The following CFAP46 variants were observed in gnomAD, a reference collection of about 807,000 sequenced individuals.
CFAP46 encodes cilia and flagella associated protein 46.
Under a neutral mutation model 325.7 loss-of-function variants are expected in CFAP46, and 245 were observed. The observed-to-expected ratio is 0.75, with a 90% confidence interval of 0.68 to 0.84. The LOEUF (loss-of-function observed/expected upper bound fraction) is 0.84, where lower values mean the gene tolerates loss of function less well. Ranked by LOEUF, CFAP46 falls within the 40% of genes least tolerant of loss-of-function variation. The pLI is 0.00. For missense variants in CFAP46, 3,346 were observed against 3,543.0 expected, an observed-to-expected ratio of 0.94 and a Z score of 1.41; for synonymous variants, 1,523 against 1,495.9, an observed-to-expected ratio of 1.02 and a Z score of -0.42.
intron 17 of CFAP46, among the ~76,000 whole-genome samples, chr10:132,914,872 C>T (rs1849612186): frequency 6.6e-6 from 1 of 152,242 alleles, no homozygotes; most frequent in South Asian, 2.1e-4. Context: ...CCTGGCTTCG[C>T]TCCACACTGT....
chr10:132,851,710 G>A lies in CFAP46; in HGVS notation c.5575-405C>T, dbSNP rs531007211. 7.3e-3 allele frequency among the ~76,000 whole-genome samples: 1,108 copies of A among 152,340 alleles called. 15 individuals carry two copies. The highest frequency in any genetic ancestry group is 0.024 in the African/African-American group (999 of 41,568). On this transcript the variant is annotated intron_variant, in intron 39 of 57. Transcript: ENST00000368586. ...GCATGCTCCTTCCCTCTCACAGCCG[G>A]CGTCGGTGCACCGTGTGCACGCGCC...
In CFAP46 at chr10:132,834,686, C is replaced by A; in HGVS notation, c.6834G>T (p.Pro2278=). The part of the protein sequence containing the change: ...VLGPLEELLQ[P]LFPLLSLSKA... ...TGGAGAGGCTGAGCAGGGGGAATAG[C>A]GGCTGCAGAAGCTCCTCCAGGGGCC... is the stretch of plus-strand genomic sequence containing the variant. The change falls in exon 48 of 58, where the codon CCG becomes CCT. Residue 2278 remains proline, a synonymous_variant. Coordinates refer to ENST00000368586, the MANE Select transcript of CFAP46 (RefSeq NM_001200049.3). 1.2e-6 allele frequency: 2 copies of A among 1,612,962 alleles called. No homozygotes were observed. The highest frequency in any genetic ancestry group is 1.7e-6 in the Non-Finnish European group (2 of 1,179,928).
chr10:132,878,281 G>T (rs1848985973), intron 29 of CFAP46, among the ~76,000 whole-genome samples, 194 bp from the exon 30 acceptor site: 1 of 152,218 alleles, frequency 6.6e-6, no homozygotes, highest in South Asian at 2.1e-4. Flanking sequence ...CCCGGGGTGT[G>T]GGCACCGGGG....
intron 7 of CFAP46, among the ~76,000 whole-genome samples, chr10:132,935,786 A>G: frequency 1.2e-5 from 1 of 82,498 alleles, no homozygotes; most frequent in Admixed American, 1.4e-4. Context: ...TGATCTCCTC[A>G]CTCCCCTCAC....
At chr10:132,839,524 A>T (rs140103941) in intron 44 of CFAP46, among the ~76,000 whole-genome samples, 1 of 152,314 alleles carries the variant, frequency 6.6e-6, no homozygotes, top group African/African-American at 2.4e-5. Flanking sequence ...CAGTCTTTCT[A>T]CATGTTATTT....
chr10:132,932,565 CCTTCTTCCTCCCCACATAGATCCTGCAG>C (rs1849928922), intron 8 of CFAP46, among the ~76,000 whole-genome samples: 3 of 150,938 alleles, frequency 2.0e-5, no homozygotes, highest in African/African-American at 7.3e-5. Context: ...AGAGCCTGGG[CCTTCTTCCTCCCCACATAGATCCTGCAG>C]CTTCCTCCTC....
chr10:132,821,830 C>A (rs1182191152), intron 50 of CFAP46, among the ~76,000 whole-genome samples: 1 of 104,614 alleles, frequency 9.6e-6, no homozygotes, highest in Non-Finnish European at 1.8e-5. Flanking sequence ...GCTGTCTGTG[C>A]GCTGTGTGCT....
At chr10:132,909,879 G>T (rs1450525983) in intron 20 of CFAP46, 40 bp downstream of exon 20, 1 of 1,381,288 alleles carries the variant, frequency 7.2e-7, no homozygotes, top group East Asian at 2.9e-5. Context: ...TATGTCCACA[G>T]GGCCTCAGTC....
At chr10:132,881,083 T>C (rs1849035989) in intron 27 of CFAP46, 51 bp from the exon 28 acceptor site, 1 of 1,482,620 alleles carries the variant, frequency 6.7e-7, no homozygotes, top group Admixed American at 2.0e-5. Flanking sequence ...CCTGAAGGCG[T>C]TCCTGACGCA....
In CFAP46 at chr10:132,877,865, G is replaced by A. The variant is rs1848978353; in HGVS notation, c.4212+16C>T. The A allele has an allele frequency of 6.5e-7, 1 of 1,548,212 alleles. No individual in the cohort carries two copies. The highest frequency in any genetic ancestry group is 8.7e-7 in the Non-Finnish European group (1 of 1,146,818). ...TCCTGGGCCCGGCCTCTGCACCGTG[G>A]CCACTTGGGCATCACCTGCTTGGGC... On this transcript the variant is annotated intron_variant, in intron 30 of 57. Coordinates refer to ENST00000368586, the MANE Select transcript of CFAP46 (RefSeq NM_001200049.3). The surrounding 1 kb of genome is among the most constrained non-coding windows in gnomAD (Gnocchi z 5.7).
chr10:132,914,002 T>A (rs1042168236), intron 17 of CFAP46, among the ~76,000 whole-genome samples: 1 of 152,026 alleles, frequency 6.6e-6, no homozygotes, highest in African/African-American at 2.4e-5. Flanking sequence ...GGACCCCCGC[T>A]CACCCCTGCA....
intron 50 of CFAP46, among the ~76,000 whole-genome samples, chr10:132,823,678 G>A (rs1847948963): frequency 8.0e-6 from 1 of 125,754 alleles, no homozygotes; most frequent in African/African-American, 3.1e-5. Flanking sequence ...GATGTGTGCT[G>A]TGTGCTGATG....
In CFAP46 at chr10:132,876,540, T is replaced by C. The variant is rs188947351; in HGVS notation, c.4362+272A>G. On this transcript the variant is annotated intron_variant, in intron 31 of 57. Coordinates refer to ENST00000368586, the MANE Select transcript of CFAP46 (RefSeq NM_001200049.3). This position sits in a 1 kb window ranked among gnomAD's most constrained non-coding sequence, Gnocchi z 4.1. Reference sequence around the variant, plus strand: ...GGATCAATTTCTGTTGTTTTAACCATGCGGTTGTGGGAGCTTGTCATGAAC... The same window carrying C: ...GGATCAATTTCTGTTGTTTTAACCACGCGGTTGTGGGAGCTTGTCATGAAC... 9.9e-3 allele frequency among the ~76,000 whole-genome samples: 1,501 copies of C among 152,274 alleles called. 15 individuals are homozygous for C. Among genetic ancestry groups the C allele is most frequent in the South Asian group, 0.043 (209 of 4,822 alleles).
intron 22 of CFAP46, among the ~76,000 whole-genome samples, chr10:132,901,618 A>T (rs1405760405): frequency 6.6e-6 from 1 of 152,152 alleles, no homozygotes; most frequent in Non-Finnish European, 1.5e-5. Context: ...TTTATGAAAA[A>T]TCCCACAATA....
In CFAP46 at chr10:132,808,531, T is replaced by C. The variant is rs1223754763; in HGVS notation, c.8038A>G (p.Ser2680Gly). 6.8e-6 allele frequency: 11 copies of C among 1,612,794 alleles called. No individual in the cohort carries two copies. The Admixed American group carries it at 1.8e-4, about 27-fold the overall frequency. Residue 2680 changes from serine (S) to glycine (G), a missense_variant, in exon 58 of 58, where the codon AGC (serine) becomes GGC (glycine). Coordinates refer to ENST00000368586, the MANE Select transcript of CFAP46 (RefSeq NM_001200049.3). This position sits in a 1 kb window ranked among gnomAD's most constrained non-coding sequence, Gnocchi z 6.8. Reference protein sequence around the residue: ...CAPWGLRRGWSCVSSRGQDKG... With the variant: ...CAPWGLRRGWGCVSSRGQDKG... Reference sequence around the variant, plus strand: ...TCCTGGCCCCGGGAAGAGACGCAGCTCCAGCCCCGACGCAGACCCCATGGC... The same window carrying C: ...TCCTGGCCCCGGGAAGAGACGCAGCCCCAGCCCCGACGCAGACCCCATGGC...
At chr10:132,861,682 G>A (rs894510759) in intron 35 of CFAP46, among the ~76,000 whole-genome samples, 4 of 152,240 alleles carry the variant, frequency 2.6e-5, no homozygotes, top group Non-Finnish European at 5.9e-5. Flanking sequence ...AGGAGAGGAC[G>A]GGAGCGGTGG....
intron 20 of CFAP46, among the ~76,000 whole-genome samples, chr10:132,909,624 G>C (rs1449927767): frequency 6.6e-6 from 1 of 152,202 alleles, no homozygotes; most frequent in African/African-American, 2.4e-5. Flanking sequence ...CCTCCATCTG[G>C]CTTTCCAGGA....
intron 32 of CFAP46, among the ~76,000 whole-genome samples, chr10:132,870,996 G>A (rs975085561): frequency 6.6e-6 from 1 of 152,206 alleles, no homozygotes; most frequent in South Asian, 2.1e-4. Flanking sequence ...AGGGGCTAAC[G>A]CAGCCGGGGA....
At chr10:132,822,415 G>C (rs1226942755) in intron 50 of CFAP46, among the ~76,000 whole-genome samples, 1 of 140,808 alleles carries the variant, frequency 7.1e-6, no homozygotes, top group Non-Finnish European at 1.5e-5. Context: ...ACTGTATGCT[G>C]TGTGTGTGGT....
Sources: gnomAD v4.1 joint callset for allele counts (sites outside exome capture counted in the v4.1 genomes callset) on GRCh38, gnomAD v4.1.1 for gene constraint, Gnocchi (gnomAD v3.1) non-coding constraint, MANE v1.5 for transcripts, NCBI Gene and HGNC (gene_info 2026-07-23, HGNC 2026-07-21) for gene names.